The following NRG1 variants were observed in gnomAD, a reference collection of about 807,000 sequenced individuals.
The protein encoded by NRG1 is neuregulin 1, also known as pro-neuregulin-1, membrane-bound isoform.
A neutral mutation model predicts 63.8 loss-of-function variants in NRG1; 18 were observed. That is an observed-to-expected ratio of 0.28 (90% CI 0.19 to 0.42). The LOEUF (loss-of-function observed/expected upper bound fraction) is 0.42, where lower values mean the gene tolerates loss of function less well. Ranked by LOEUF, NRG1 falls within the 10% of genes least tolerant of loss-of-function variation. The pLI, the probability that NRG1 is intolerant of heterozygous loss-of-function variation, is 1.00. For synonymous variants in NRG1, 302 were observed against 301.3 expected, an observed-to-expected ratio of 1.00 and a Z score of -0.02; for missense variants, 762 against 814.7, an observed-to-expected ratio of 0.94 and a Z score of 0.79.
chr8:31,786,689 A>G lies in NRG1; in HGVS notation c.37+147258A>G, dbSNP rs527284915. 1.9e-4 allele frequency among the ~76,000 whole-genome samples: 29 copies of G among 152,288 alleles called. No individual in the cohort carries two copies. In the South Asian group the frequency reaches 3.7e-3, roughly 20 times the overall value. On this transcript the variant is annotated intron_variant, in intron 1 of 10. Transcript: ENST00000519301. ...ATAACTCAGGAAAACACTTACTTACATTTACCATTTACCAGTTTATTATAC... is the reference window on the plus strand; with the variant it reads ...ATAACTCAGGAAAACACTTACTTACGTTTACCATTTACCAGTTTATTATAC...
At chr8:31,745,999 C>G (rs1473545681) in intron 1 of NRG1, among the ~76,000 whole-genome samples, 1 of 151,784 alleles carries the variant, frequency 6.6e-6, no homozygotes, top group Non-Finnish European at 1.5e-5. Flanking sequence ...CCTCTCTTGA[C>G]GATAACTACT....
intron 1 of NRG1, among the ~76,000 whole-genome samples, chr8:32,004,634 T>G (rs1813459578): frequency 6.6e-6 from 1 of 151,486 alleles, no homozygotes; most frequent in African/African-American, 2.4e-5. Context: ...AGAAAATATA[T>G]CCAGGAGAAC....
chr8:32,075,854 G>T (rs1826422855), intron 1 of NRG1, among the ~76,000 whole-genome samples: 1 of 152,108 alleles, frequency 6.6e-6, no homozygotes, highest in Admixed American at 6.5e-5. Flanking sequence ...TGTGTTCATA[G>T]TAGAGACGGG....
intron 1 of NRG1, among the ~76,000 whole-genome samples, chr8:31,869,297 C>A (rs562221760): frequency 6.6e-6 from 1 of 152,238 alleles, no homozygotes; most frequent in South Asian, 2.1e-4. Flanking sequence ...GAATGTTGTT[C>A]CTACTTAGAC....
intron 1 of NRG1, among the ~76,000 whole-genome samples, chr8:32,389,350 G>T (rs945149104): frequency 6.6e-6 from 1 of 152,152 alleles, no homozygotes; most frequent in Non-Finnish European, 1.5e-5. Context: ...ATTGATATTT[G>T]CAGAACTGGG....
At chr8:31,948,095 C>T (rs1563604443) in intron 1 of NRG1, among the ~76,000 whole-genome samples, 1 of 151,972 alleles carries the variant, frequency 6.6e-6, no homozygotes, top group Non-Finnish European at 1.5e-5. Flanking sequence ...CATATACACA[C>T]ATATGCACAT....
intron 1 of NRG1, among the ~76,000 whole-genome samples, chr8:32,501,191 A>G (rs13277710): frequency 0.57 from 86,639 of 151,806 alleles, 25,098 homozygotes; most frequent in East Asian, 0.79. Context: ...GATCTGATGA[A>G]AGTTCATTAT....
chr8:31,899,629 T>C (rs903502142), intron 1 of NRG1, among the ~76,000 whole-genome samples: 1 of 152,170 alleles, frequency 6.6e-6, no homozygotes, highest in Non-Finnish European at 1.5e-5. Context: ...GCTTCCATTG[T>C]GCAAACCTCA....
intron 1 of NRG1, among the ~76,000 whole-genome samples, chr8:31,815,768 A>C (rs187778928): frequency 1.2e-3 from 180 of 152,332 alleles, no homozygotes; most frequent in African/African-American, 3.9e-3. Context: ...ATGTTGTTGC[A>C]AAAGTAATTG....
At chr8:32,469,907 G>C (rs963667945) in intron 1 of NRG1, among the ~76,000 whole-genome samples, 2 of 152,194 alleles carry the variant, frequency 1.3e-5, no homozygotes, top group African/African-American at 4.8e-5. Context: ...GCCCAGGCTG[G>C]ACTGCAGTGG....
At chr8:32,545,685 G>A (rs1180431612), upstream of NRG1, among the ~76,000 whole-genome samples, 1 of 151,552 alleles carries the variant, frequency 6.6e-6, no homozygotes, top group African/African-American at 2.4e-5. Flanking sequence ...TCTTTTAGCT[G>A]GCCATAAATA....
At chr8:32,533,796 A>AT (rs1479105248) in intron 1 of NRG1, among the ~76,000 whole-genome samples, 1 of 152,114 alleles carries the variant, frequency 6.6e-6, no homozygotes. Context: ...AACTTATCAC[A>AT]TGTTTATGTA....
At chr8:31,838,643 T>A (rs1181895571) in intron 1 of NRG1, among the ~76,000 whole-genome samples, 2 of 152,174 alleles carry the variant, frequency 1.3e-5, no homozygotes, top group Admixed American at 1.3e-4. Context: ...CTCCAATAAC[T>A]TTTACCATCT....
At chr8:31,879,982 CAT>C (rs1830225036) in intron 1 of NRG1, among the ~76,000 whole-genome samples, 1 of 152,028 alleles carries the variant, frequency 6.6e-6, no homozygotes, top group Admixed American at 6.6e-5. Context: ...AGGTTGATTC[CAT>C]ATCTTTGCTA....
intron 1 of NRG1, among the ~76,000 whole-genome samples, chr8:32,344,326 C>CTT: frequency 2.5e-5 from 1 of 40,410 alleles, no homozygotes; most frequent in South Asian, 1.2e-3. Flanking sequence ...CCTTCTTTCT[C>CTT]TTTCTTTCTT....
At chr8:32,706,512 T>C (rs1382205772) in intron 5 of NRG1, among the ~76,000 whole-genome samples, 1 of 151,936 alleles carries the variant, frequency 6.6e-6, no homozygotes, top group African/African-American at 2.4e-5. Context: ...TGAGTTAAAC[T>C]TGAAAACTAA....
intron 1 of NRG1, among the ~76,000 whole-genome samples, chr8:32,541,507 G>A (rs1422243314): frequency 1.3e-4 from 19 of 144,106 alleles, no homozygotes; most frequent in South Asian, 2.2e-4. Context: ...GAACATACAG[G>A]AAAAAAAAAA....
chr8:32,640,618 C>CTG (rs1270551369), intron 5 of NRG1, among the ~76,000 whole-genome samples: 87 of 82,824 alleles, frequency 1.1e-3, no homozygotes, highest in Non-Finnish European at 1.7e-3. Flanking sequence ...GATCTCAGAC[C>CTG]CGCACACACA....
chr8:32,242,102 C>A (rs777968440), intron 1 of NRG1, among the ~76,000 whole-genome samples: 34 of 152,122 alleles, frequency 2.2e-4, no homozygotes, highest in Non-Finnish European at 4.4e-4. Flanking sequence ...ATTTGACCAA[C>A]AACTAATGTA....
Sources: gnomAD v4.1 joint callset for allele counts (sites outside exome capture counted in the v4.1 genomes callset) on GRCh38, gnomAD v4.1.1 for gene constraint, MANE v1.5 for transcripts, NCBI Gene and HGNC (gene_info 2026-07-23, HGNC 2026-07-21) for gene names.